CCDC178: variants seen among roughly 807,000 people sequenced by gnomAD.
The protein encoded by CCDC178 is coiled-coil domain-containing protein 178.
In CCDC178, 126 loss-of-function variants were observed where a neutral mutation model predicts 117.4. That is an observed-to-expected ratio of 1.07 (90% CI 0.93 to 1.24). The LOEUF is 1.24. Among genes scored for constraint, CCDC178 ranks in the 50% most tolerant of loss-of-function variants. The pLI, the probability that CCDC178 is intolerant of heterozygous loss-of-function variation, is 0.00. For synonymous variants in CCDC178, 283 were observed against 313.4 expected (o/e 0.90, Z 1.02); for missense variants, 1,030 against 986.9 (o/e 1.04, Z -0.59).
chr18:33,051,063 C>T (rs1279238732), intron 21 of CCDC178, among the ~76,000 whole-genome samples: 4 of 152,208 alleles, frequency 2.6e-5, no homozygotes, highest in African/African-American at 4.8e-5. Context: ...CAGGCGTGCA[C>T]CACCTCGCCC....
At chr18:33,310,968 A>G (rs747865684) in intron 11 of CCDC178, among the ~76,000 whole-genome samples, 4 of 152,102 alleles carry the variant, frequency 2.6e-5, no homozygotes, top group African/African-American at 4.8e-5. Flanking sequence ...CATGTCTCCA[A>G]TGGAAAAAAA....
intron 2 of CCDC178, among the ~76,000 whole-genome samples, chr18:33,416,735 G>A (rs1273001175): frequency 6.6e-6 from 1 of 152,076 alleles, no homozygotes; most frequent in Non-Finnish European, 1.5e-5. Context: ...GACATTACTT[G>A]CACCACAACC....
chr18:33,124,918 G>GC (rs1398677111), intron 20 of CCDC178, among the ~76,000 whole-genome samples: 1 of 152,180 alleles, frequency 6.6e-6, no homozygotes, highest in Non-Finnish European at 1.5e-5. Context: ...TTTAGTATCT[G>GC]CTAACGCTGA....
intron 21 of CCDC178, among the ~76,000 whole-genome samples, chr18:33,090,342 G>A (rs772344786): frequency 1.3e-5 from 2 of 152,088 alleles, no homozygotes; most frequent in Non-Finnish European, 2.9e-5. Context: ...TTCATGTTCA[G>A]AAGTAATGAA....
intron 20 of CCDC178, among the ~76,000 whole-genome samples, chr18:33,144,976 A>C (rs2144314778): frequency 6.6e-6 from 1 of 152,288 alleles, no homozygotes; most frequent in Non-Finnish European, 1.5e-5. Flanking sequence ...CTAGGCAAAT[A>C]TATTTAAAAT....
At chr18:32,949,767 G>A (rs555680575) in intron 22 of CCDC178, among the ~76,000 whole-genome samples, 2 of 152,056 alleles carry the variant, frequency 1.3e-5, no homozygotes, top group African/African-American at 4.8e-5. Flanking sequence ...TCCTGGATTT[G>A]ATGTTTCCTT....
At chr18:33,308,126 G>A (rs2062283191) in intron 11 of CCDC178, among the ~76,000 whole-genome samples, 1 of 152,170 alleles carries the variant, frequency 6.6e-6, no homozygotes, top group Admixed American at 6.5e-5. Flanking sequence ...TGCACTGTGT[G>A]CCTGAAAAAG....
At chr18:33,158,816 G>A (rs539532573) in intron 20 of CCDC178, among the ~76,000 whole-genome samples, 1 of 152,166 alleles carries the variant, frequency 6.6e-6, no homozygotes, top group East Asian at 1.9e-4. Flanking sequence ...GTTATTGCCA[G>A]AGTGAAGATA....
Position 32,971,899 on chromosome 18 carries a change from C to G in CCDC178, c.2523+2648G>C, listed in dbSNP as rs184704198. ...TTTTCTTGTTAATTTGTTTAAGTTCCTTGTGGATTCTGGATATTAGACCTT... is the reference window on the plus strand; with the variant it reads ...TTTTCTTGTTAATTTGTTTAAGTTCGTTGTGGATTCTGGATATTAGACCTT... On this transcript the variant is annotated intron_variant, in intron 22 of 22. Transcript: ENST00000383096. Among the ~76,000 whole-genome samples the G allele has an allele frequency of 1.8e-3, 272 of 152,062 alleles. No individual in the cohort carries two copies. The Middle Eastern group carries it at 0.024, about 13-fold the overall frequency.
intron 11 of CCDC178, among the ~76,000 whole-genome samples, chr18:33,304,173 T>G (rs1387867879): frequency 6.6e-6 from 1 of 152,190 alleles, no homozygotes; most frequent in Non-Finnish European, 1.5e-5. Flanking sequence ...TTCATTACTA[T>G]TTACTATCTC....
chr18:33,024,068 C>T (rs1388475694), intron 21 of CCDC178, among the ~76,000 whole-genome samples: 1 of 152,170 alleles, frequency 6.6e-6, no homozygotes, highest in Non-Finnish European at 1.5e-5. Flanking sequence ...TCTAAACAAG[C>T]ATAATACTAT....
At chr18:33,122,635 A>G (rs1010411473) in intron 20 of CCDC178, among the ~76,000 whole-genome samples, 5 of 152,148 alleles carry the variant, frequency 3.3e-5, no homozygotes, top group African/African-American at 1.2e-4. Flanking sequence ...ACAAACAGCC[A>G]TGGACAGATG....
chr18:33,133,976 G>C (rs1449688640), intron 20 of CCDC178, among the ~76,000 whole-genome samples: 4 of 151,798 alleles, frequency 2.6e-5, no homozygotes, highest in Non-Finnish European at 5.9e-5. Context: ...TCATTAAGTA[G>C]GCTAAAATGA....
intron 21 of CCDC178, among the ~76,000 whole-genome samples, chr18:33,065,037 A>C (rs1324880848): frequency 6.6e-6 from 1 of 152,112 alleles, no homozygotes; most frequent in Non-Finnish European, 1.5e-5. Flanking sequence ...GAAAAAAAAA[A>C]AAAAAAGAGT....
chr18:33,190,450 T>C (rs1454713348), intron 20 of CCDC178, among the ~76,000 whole-genome samples: 1 of 152,214 alleles, frequency 6.6e-6, no homozygotes, highest in Non-Finnish European at 1.5e-5. Context: ...CAAATAGATA[T>C]AAGTTTATAA....
intron 3 of CCDC178, among the ~76,000 whole-genome samples, chr18:33,409,675 C>A (rs2063824767): frequency 6.6e-6 from 1 of 152,074 alleles, no homozygotes; most frequent in Non-Finnish European, 1.5e-5. Context: ...GGCTTAAACA[C>A]AGAAATTTCA....
At chr18:33,383,496 G>C (rs2063461141) in intron 5 of CCDC178, among the ~76,000 whole-genome samples, 1 of 151,796 alleles carries the variant, frequency 6.6e-6, no homozygotes, top group Non-Finnish European at 1.5e-5. Flanking sequence ...TGCCCCTCTG[G>C]GACAAAGCTT....
At chr18:33,057,872 A>T in intron 21 of CCDC178, among the ~76,000 whole-genome samples, 1 of 152,332 alleles carries the variant, frequency 6.6e-6, no homozygotes, top group Middle Eastern at 3.4e-3. Flanking sequence ...GACACCAAAA[A>T]CTTAAGCTCT....
At chr18:33,292,357 T>C (rs1031473445) in intron 12 of CCDC178, among the ~76,000 whole-genome samples, 3 of 152,132 alleles carry the variant, frequency 2.0e-5, no homozygotes, top group Non-Finnish European at 4.4e-5. Context: ...CATTCATACA[T>C]GGAAGCTAAA....
Sources: gnomAD v4.1 joint callset for allele counts (sites outside exome capture counted in the v4.1 genomes callset) on GRCh38, gnomAD v4.1.1 for gene constraint, MANE v1.5 for transcripts, NCBI Gene and HGNC (gene_info 2026-07-23, HGNC 2026-07-21) for gene names.